TMED3: variants seen among roughly 807,000 people sequenced by gnomAD.
TMED3 encodes the protein transmembrane emp24 domain-containing protein 3.
TMED3 carries 9 observed loss-of-function variants against 15.0 expected under a neutral mutation model. The ratio of observed to expected loss-of-function variants is 0.60; its 90% CI spans 0.36 to 1.04. The LOEUF (loss-of-function observed/expected upper bound fraction) is 1.04, where lower values mean the gene tolerates loss of function less well. Among genes scored for constraint, TMED3 ranks in the 50% least tolerant of loss-of-function variants. The probability of loss-of-function intolerance (pLI) is 0.01; values close to 1 mark genes in which losing one functional copy is unlikely to be tolerated. For synonymous variants in TMED3, 117 were observed against 121.4 expected (o/e 0.96, Z 0.24); for missense variants, 267 against 278.9 (o/e 0.96, Z 0.30).
At chr15:79,372,305 C>T (rs898334297) in intron 2 of TMED3, among the ~76,000 whole-genome samples, 1 of 152,154 alleles carries the variant, frequency 6.6e-6, no homozygotes, top group African/African-American at 2.4e-5. Context: ...GGTTGAAGTA[C>T]AGGTATGTTG....
chr15:79,362,907 A>G (rs751824210), intron 2 of TMED3, among the ~76,000 whole-genome samples: 3 of 152,250 alleles, frequency 2.0e-5, no homozygotes, highest in Non-Finnish European at 4.4e-5. Flanking sequence ...ACAGACTAAT[A>G]CAAGAATAAT....
chr15:79,339,237 C>CCTTA (rs1387156332), intron 2 of TMED3, among the ~76,000 whole-genome samples: 1 of 152,200 alleles, frequency 6.6e-6, no homozygotes, highest in African/African-American at 2.4e-5. Flanking sequence ...ACCCACATGG[C>CCTTA]CTTACCTATC....
At chr15:79,384,952 A>C (rs1893604550) in intron 2 of TMED3, among the ~76,000 whole-genome samples, 1 of 152,224 alleles carries the variant, frequency 6.6e-6, no homozygotes, top group Non-Finnish European at 1.5e-5. Context: ...GAGTGAATAC[A>C]GCACCTTCAA....
At chr15:79,394,913 T>C (rs957795915) in intron 2 of TMED3, among the ~76,000 whole-genome samples, 5 of 152,218 alleles carry the variant, frequency 3.3e-5, no homozygotes, top group African/African-American at 1.2e-4. Context: ...AATTAGAGCA[T>C]CATTTCCATG....
At chr15:79,384,955 A>G (rs1462697344) in intron 2 of TMED3, among the ~76,000 whole-genome samples, 1 of 152,196 alleles carries the variant, frequency 6.6e-6, no homozygotes, top group African/African-American at 2.4e-5. Context: ...TGAATACAGC[A>G]CCTTCAACTG....
chr15:79,332,757 A>G (rs2058814091), intron 2 of TMED3, among the ~76,000 whole-genome samples: 1 of 152,116 alleles, frequency 6.6e-6, no homozygotes, highest in Non-Finnish European at 1.5e-5. Flanking sequence ...TCCCTCCTGG[A>G]GCACAGCTGG....
Position 79,369,916 on chromosome 15 carries a change from G to T in TMED3, c.418-41484G>T, listed in dbSNP as rs75493594. Reference sequence around the variant, plus strand: ...CAGCAAGTGGCAATAGCAGGTCCCTGCTAGGGCAGCTTCCTGGATTCTGCT... The same window carrying T: ...CAGCAAGTGGCAATAGCAGGTCCCTTCTAGGGCAGCTTCCTGGATTCTGCT... On this transcript the variant is annotated intron_variant, in intron 2 of 2. Transcript: ENST00000424155. Among the ~76,000 whole-genome samples, 787 of 152,258 alleles carry T rather than the reference G, an allele frequency of 5.2e-3. 6 individuals are homozygous for T. Among genetic ancestry groups the T allele is most frequent in the African/African-American group, 0.018 (753 of 41,560 alleles).
chr15:79,404,034 T>A (rs1046355603), intron 2 of TMED3, among the ~76,000 whole-genome samples: 1 of 152,248 alleles, frequency 6.6e-6, no homozygotes, highest in Non-Finnish European at 1.5e-5. Context: ...TGTTGGTATC[T>A]TCCAGGTGAT....
At chr15:79,382,866 A>G in intron 2 of TMED3, 1 of 1,093,372 alleles carries the variant, frequency 9.1e-7, no homozygotes, top group Non-Finnish European at 1.3e-6. Context: ...ATTATCTTTC[A>G]TGGGTATCTC....
intron 2 of TMED3, among the ~76,000 whole-genome samples, chr15:79,367,985 T>C (rs1475540903): frequency 6.6e-6 from 1 of 152,098 alleles, no homozygotes; most frequent in East Asian, 1.9e-4. Context: ...GAAAGAATAG[T>C]GGTCAGAGCT....
At chr15:79,330,078 A>T (rs80355767) in intron 2 of TMED3, among the ~76,000 whole-genome samples, 240 of 152,342 alleles carry the variant, frequency 1.6e-3, no homozygotes, top group Non-Finnish European at 2.8e-3. Context: ...GCTAAGGTTT[A>T]ACTAACATCA....
At chr15:79,368,655 T>C (rs1283516707) in intron 2 of TMED3, among the ~76,000 whole-genome samples, 2 of 152,180 alleles carry the variant, frequency 1.3e-5, no homozygotes, top group African/African-American at 2.4e-5. Flanking sequence ...AAAACTGTAA[T>C]TGGTAAAGAA....
chr15:79,365,028 C>A (rs1272625939), intron 2 of TMED3, among the ~76,000 whole-genome samples: 2 of 152,230 alleles, frequency 1.3e-5, no homozygotes, highest in South Asian at 2.1e-4. Context: ...GTAATGCATA[C>A]CCACTTGGTC....
intron 2 of TMED3, among the ~76,000 whole-genome samples, chr15:79,314,961 T>C (rs866598810): frequency 5.9e-5 from 9 of 152,178 alleles, no homozygotes; most frequent in Non-Finnish European, 5.9e-5. Context: ...AGGAAGGAGC[T>C]CACCAAATAC....
chr15:79,388,325 A>G (rs901638023), intron 2 of TMED3, among the ~76,000 whole-genome samples: 1 of 152,094 alleles, frequency 6.6e-6, no homozygotes, highest in Non-Finnish European at 1.5e-5. Context: ...TTAACCATTA[A>G]TGAATGATGA....
intron 2 of TMED3, among the ~76,000 whole-genome samples, chr15:79,369,876 A>G (rs893581864): frequency 2.0e-5 from 3 of 152,180 alleles, no homozygotes; most frequent in Non-Finnish European, 4.4e-5. Flanking sequence ...CCCCTTCTGC[A>G]TCTGAAGTCA....
intron 2 of TMED3, among the ~76,000 whole-genome samples, chr15:79,359,283 A>G (rs1893078698): frequency 7.6e-6 from 1 of 132,090 alleles, no homozygotes; most frequent in African/African-American, 3.0e-5. Context: ...CCCAGGCTGG[A>G]GTGCAGTGGC....
chr15:79,381,193 G>T (rs572756422), intron 2 of TMED3, among the ~76,000 whole-genome samples: 1 of 152,092 alleles, frequency 6.6e-6, no homozygotes, highest in African/African-American at 2.4e-5. Flanking sequence ...CATGCAAGGC[G>T]ATTGCTACCA....
intron 2 of TMED3, among the ~76,000 whole-genome samples, chr15:79,396,596 G>C (rs1192471042): frequency 6.6e-6 from 1 of 152,188 alleles, no homozygotes; most frequent in Non-Finnish European, 1.5e-5. Context: ...CCTAATGCAA[G>C]GTGGACGCTG....
Sources: allele counts gnomAD v4.1 joint callset (sites outside exome capture counted in the v4.1 genomes callset), GRCh38; gene constraint gnomAD v4.1.1; transcripts MANE v1.5; gene names NCBI Gene and HGNC (gene_info 2026-07-23, HGNC 2026-07-21).